The following PRKCB variants were observed in gnomAD, a reference collection of about 807,000 sequenced individuals.
PRKCB encodes protein kinase C beta, also known as protein kinase C beta type.
A neutral mutation model predicts 81.5 loss-of-function variants in PRKCB; 13 were observed. That is an observed-to-expected ratio of 0.16 (90% CI 0.10 to 0.25). PRKCB has a LOEUF of 0.25. PRKCB is among the 10% of genes least tolerant of loss of function. PRKCB has a pLI of 1.00. For synonymous variants in PRKCB, 335 were observed against 321.4 expected (o/e 1.04, Z -0.45); for missense variants, 509 against 875.7 (o/e 0.58, Z 5.29).
chr16:24,028,400 T>C (rs531905674), intron 3 of PRKCB, among the ~76,000 whole-genome samples: 60 of 152,342 alleles, frequency 3.9e-4, no homozygotes, highest in Middle Eastern at 3.4e-3. Context: ...CAAATTCACT[T>C]TTAAAAATAT....
chr16:23,951,071 C>A (rs1158035509), intron 2 of PRKCB, among the ~76,000 whole-genome samples: 2 of 152,204 alleles, frequency 1.3e-5, no homozygotes, highest in African/African-American at 4.8e-5. Context: ...GAACACTCTG[C>A]AGCTCAGATA....
At chr16:24,116,143 C>T (rs1225809016) in intron 8 of PRKCB, among the ~76,000 whole-genome samples, 1 of 152,170 alleles carries the variant, frequency 6.6e-6, no homozygotes, top group African/African-American at 2.4e-5. Flanking sequence ...CATGAAAAGG[C>T]AGCCATTAGT....
intron 2 of PRKCB, among the ~76,000 whole-genome samples, chr16:23,855,718 G>A (rs1174188368): frequency 1.3e-5 from 2 of 152,354 alleles, no homozygotes; most frequent in East Asian, 3.9e-4. Context: ...GAACTGTGGT[G>A]CAATAGTTGT....
chr16:23,971,534 CA>C (rs1379548057), intron 2 of PRKCB, among the ~76,000 whole-genome samples: 1 of 152,092 alleles, frequency 6.6e-6, no homozygotes, highest in Non-Finnish European at 1.5e-5. Flanking sequence ...TGAGTTAAGC[CA>C]AAGGGAGGTG....
At chr16:24,104,027 A>G (rs1041282865) in intron 7 of PRKCB, among the ~76,000 whole-genome samples, 6 of 151,198 alleles carry the variant, frequency 4.0e-5, no homozygotes, top group South Asian at 2.1e-4. Flanking sequence ...CTGGTCATGA[A>G]CTCCCGACCT....
At chr16:23,958,295 C>CTTATTA (rs575228832) in intron 2 of PRKCB, among the ~76,000 whole-genome samples, 1 of 144,920 alleles carries the variant, frequency 6.9e-6, no homozygotes, top group Non-Finnish European at 1.5e-5. Context: ...CCTGGCCTAT[C>CTTATTA]TTATTATTAT....
intron 13 of PRKCB, among the ~76,000 whole-genome samples, chr16:24,184,811 ATGT>A (rs1424950076): frequency 1.3e-5 from 2 of 152,250 alleles, no homozygotes; most frequent in Non-Finnish European, 2.9e-5. Flanking sequence ...TATTGTGTAA[ATGT>A]TGTAACTTTT....
chr16:23,945,906 C>G (rs767806081), intron 2 of PRKCB, among the ~76,000 whole-genome samples: 5 of 152,120 alleles, frequency 3.3e-5, no homozygotes, highest in Non-Finnish European at 7.3e-5. Context: ...CATTGGCTCA[C>G]AAGCTGGCCC....
chr16:24,216,149 A>G lies in PRKCB; in HGVS notation c.*1333A>G, dbSNP rs1225941608. On this transcript the variant is annotated 3_prime_UTR_variant, in exon 17 of 17. Transcript: ENST00000643927. ...TTGGCCCCAGTGTTCAGCCACTCGG[A>G]GGGGCGGGGGCTGTGGCCCATTCAG... 9.1e-6 allele frequency: 9 copies of G among 985,284 alleles called. No individual in the cohort carries two copies. Among genetic ancestry groups the G allele is most frequent in the Non-Finnish European group, 1.1e-5 (9 of 829,972 alleles). The allele number at this position is 985,284 out of a possible 1,614,324, so 61.0% of individuals were successfully genotyped here. A position where few individuals can be genotyped will look rare whatever the true frequency, so the allele number is the denominator to read the frequency against.
intron 1 of PRKCB, 74 bp downstream of exon 1, chr16:23,836,422 C>T: frequency 1.4e-6 from 2 of 1,396,804 alleles, no homozygotes; most frequent in Non-Finnish European, 1.9e-6. Context: ...CTCTCCGCGC[C>T]CTCTGCGCCC....
chr16:23,873,006 C>T (rs1156290697), intron 2 of PRKCB, among the ~76,000 whole-genome samples: 4 of 150,512 alleles, frequency 2.7e-5, no homozygotes, highest in African/African-American at 4.9e-5. Flanking sequence ...GGTGAAACCC[C>T]GACTCTACTA....
At chr16:23,926,368 C>T (rs1963896257) in intron 2 of PRKCB, among the ~76,000 whole-genome samples, 2 of 151,830 alleles carry the variant, frequency 1.3e-5, no homozygotes, top group South Asian at 4.2e-4. Flanking sequence ...CCTGTAGTCC[C>T]AGCTACTCAG....
intron 3 of PRKCB, among the ~76,000 whole-genome samples, chr16:24,015,969 T>A (rs1015621248): frequency 6.6e-5 from 10 of 152,144 alleles, no homozygotes; most frequent in African/African-American, 2.4e-4. Flanking sequence ...CAGTGATAAT[T>A]AATAATTAAT....
At chr16:23,984,765 T>C (rs188897696) in intron 2 of PRKCB, among the ~76,000 whole-genome samples, 9 of 152,106 alleles carry the variant, frequency 5.9e-5, no homozygotes, top group African/African-American at 1.7e-4. Context: ...ATTCCAAAAG[T>C]TTGTTTGAGT....
At chr16:23,863,249 T>TAC (rs1250558253) in intron 2 of PRKCB, among the ~76,000 whole-genome samples, 1 of 56,012 alleles carries the variant, frequency 1.8e-5, no homozygotes, top group Non-Finnish European at 4.1e-5. Flanking sequence ...TACATATATA[T>TAC]ACACATACAC....
At chr16:24,186,204 G>C (rs977116665) in intron 15 of PRKCB, among the ~76,000 whole-genome samples, 5 of 152,146 alleles carry the variant, frequency 3.3e-5, no homozygotes, top group Non-Finnish European at 7.3e-5. Flanking sequence ...TTTGCATCTT[G>C]TGTTGGACCA....
At chr16:24,114,315 C>G (rs1040019481) in intron 8 of PRKCB, among the ~76,000 whole-genome samples, 1 of 150,656 alleles carries the variant, frequency 6.6e-6, no homozygotes, top group African/African-American at 2.4e-5. Flanking sequence ...ATTTTGGAGG[C>G]TGAGTCAACT....
chr16:24,002,069 G>T (rs1467247047), intron 3 of PRKCB, among the ~76,000 whole-genome samples: 1 of 152,158 alleles, frequency 6.6e-6, no homozygotes, highest in African/African-American at 2.4e-5. Context: ...TGATTCTTCT[G>T]ACCTGGGTTT....
rs756113104 is a variant in PRKCB, at chr16:24,217,625, A to G, written c.*2809A>G. On this transcript the variant is annotated 3_prime_UTR_variant, in exon 17 of 17. Transcript: ENST00000643927. Reference sequence around the variant, plus strand: ...CATAAAAGCAAGTCCTGTCTGGACCATGTGGTTATCTGAAGCATTAGCCAT... The same window carrying G: ...CATAAAAGCAAGTCCTGTCTGGACCGTGTGGTTATCTGAAGCATTAGCCAT... The G allele has an allele frequency of 2.2e-5, 22 of 985,486 alleles. No homozygotes were observed. Among genetic ancestry groups the G allele is most frequent in the Non-Finnish European group, 2.7e-5 (22 of 829,962 alleles). 61.0% of individuals were successfully genotyped at this position (985,486 alleles called of 1,614,324 possible).
Sources: allele counts gnomAD v4.1 joint callset (sites outside exome capture counted in the v4.1 genomes callset), GRCh38; gene constraint gnomAD v4.1.1; transcripts MANE v1.5; gene names NCBI Gene and HGNC (gene_info 2026-07-23, HGNC 2026-07-21).